ASIC2: variants seen among roughly 807,000 people sequenced by gnomAD.
ASIC2 encodes the protein acid sensing ion channel subunit 2, also known as acid-sensing ion channel 2.
In ASIC2, 25 loss-of-function variants were observed where a neutral mutation model predicts 57.3. The ratio of observed to expected loss-of-function variants is 0.44; its 90% confidence interval spans 0.32 to 0.61. The LOEUF (loss-of-function observed/expected upper bound fraction) is 0.61. Among genes scored for constraint, ASIC2 ranks in the 20% least tolerant of loss-of-function variants. The probability of loss-of-function intolerance (pLI) is 0.06; values close to 1 mark genes in which losing one functional copy is unlikely to be tolerated. For synonymous variants in ASIC2, 319 were observed against 307.5 expected (o/e 1.04, Z -0.39); for missense variants, 641 against 738.1 (o/e 0.87, Z 1.52).
intron 1 of ASIC2, among the ~76,000 whole-genome samples, chr17:33,968,851 G>A (rs934605707): frequency 6.6e-6 from 1 of 152,210 alleles, no homozygotes; most frequent in Admixed American, 6.5e-5. Flanking sequence ...CAACAACAGG[G>A]AGCTGGCCTG....
At chr17:33,859,099 T>C (rs1257608795) in intron 1 of ASIC2, among the ~76,000 whole-genome samples, 1 of 152,248 alleles carries the variant, frequency 6.6e-6, no homozygotes. Context: ...TAAGACCAAC[T>C]GTGTCCACAC....
At chr17:33,961,325 A>G (rs1904913406) in intron 1 of ASIC2, among the ~76,000 whole-genome samples, 1 of 152,218 alleles carries the variant, frequency 6.6e-6, no homozygotes, top group African/African-American at 2.4e-5. Flanking sequence ...AGCATTTTGC[A>G]GGACCCAGCA....
chr17:33,238,967 G>A (rs746679415), intron 1 of ASIC2, among the ~76,000 whole-genome samples: 1 of 151,906 alleles, frequency 6.6e-6, no homozygotes, highest in Non-Finnish European at 1.5e-5. Context: ...TTGCACCACT[G>A]TACTCCAGCC....
chr17:33,282,993 C>A (rs1208789170), intron 1 of ASIC2, among the ~76,000 whole-genome samples: 2 of 152,210 alleles, frequency 1.3e-5, no homozygotes, highest in Admixed American at 1.3e-4. Context: ...AGGTCATGGG[C>A]ATCTTTAAGG....
chr17:34,063,027 G>A (rs1308575530), intron 1 of ASIC2, among the ~76,000 whole-genome samples: 1 of 152,090 alleles, frequency 6.6e-6, no homozygotes. Flanking sequence ...TGTGAAACCA[G>A]CATCACCCTA....
chr17:34,117,827 T>C (rs953300075), intron 1 of ASIC2, among the ~76,000 whole-genome samples: 2 of 152,094 alleles, frequency 1.3e-5, no homozygotes, highest in South Asian at 2.1e-4. Context: ...TTAACCAAGA[T>C]TGAGAAAAGA....
chr17:34,053,951 T>C (rs1056675328), intron 1 of ASIC2, among the ~76,000 whole-genome samples: 1 of 152,240 alleles, frequency 6.6e-6, no homozygotes, highest in Non-Finnish European at 1.5e-5. Context: ...ACCTCCATTC[T>C]GTACAGGGTT....
chr17:33,107,558 A>C (rs535034066), intron 2 of ASIC2, among the ~76,000 whole-genome samples: 1 of 152,162 alleles, frequency 6.6e-6, no homozygotes, highest in Non-Finnish European at 1.5e-5. Context: ...ATGGCATATT[A>C]TCACGGTGCC....
intron 1 of ASIC2, among the ~76,000 whole-genome samples, chr17:33,512,203 C>G (rs918747216): frequency 6.6e-6 from 1 of 152,202 alleles, no homozygotes; most frequent in Admixed American, 6.5e-5. Flanking sequence ...AAGGGTGAAA[C>G]TCTGCAGTCA....
intron 1 of ASIC2, among the ~76,000 whole-genome samples, chr17:33,483,886 G>A (rs12940809): frequency 0.2 from 30,963 of 152,106 alleles, 3,859 homozygotes; most frequent in Non-Finnish European, 0.28. Flanking sequence ...TTGCCATGGG[G>A]AAATTAGCCT....
chr17:33,786,234 C>G (rs1911596721), intron 1 of ASIC2, among the ~76,000 whole-genome samples: 1 of 152,086 alleles, frequency 6.6e-6, no homozygotes, highest in Non-Finnish European at 1.5e-5. Context: ...AAGGTGAGCC[C>G]TGAGTTACCC....
intron 1 of ASIC2, among the ~76,000 whole-genome samples, chr17:33,418,077 T>C (rs528407397): frequency 2.7e-4 from 41 of 151,176 alleles, no homozygotes; most frequent in African/African-American, 9.2e-4. Flanking sequence ...TGTGTGTGTG[T>C]GCAGCCATGC....
intron 1 of ASIC2, among the ~76,000 whole-genome samples, chr17:33,166,566 TC>T (rs1008001621): frequency 1.3e-5 from 2 of 152,088 alleles, no homozygotes; most frequent in African/African-American, 4.8e-5. Flanking sequence ...GTTATTGAGG[TC>T]CTAGCATGCC....
At chr17:34,052,235 T>G (rs1199173737) in intron 1 of ASIC2, among the ~76,000 whole-genome samples, 1 of 152,174 alleles carries the variant, frequency 6.6e-6, no homozygotes, top group Non-Finnish European at 1.5e-5. Context: ...CTTCCAGACC[T>G]TATTGCCCCT....
chr17:33,657,136 T>A (rs530744590), intron 1 of ASIC2, among the ~76,000 whole-genome samples: 21 of 152,188 alleles, frequency 1.4e-4, no homozygotes, highest in Non-Finnish European at 2.9e-4. Context: ...TGCTCTGACA[T>A]GGCAGGCCCC....
rs1006790224 is a variant in ASIC2 at position 34,156,216 on chromosome 17, T to C, written c.317A>G (p.Asp106Gly). ...CAGCAGCTCCCCAGCATGGTACAGG[T>C]CATTGGTGGTGAGCCTGGAGAACCG... The change falls in exon 1 of 10, where the codon GAC becomes GGC. Residue 106 changes from aspartate to glycine, a missense_variant. Asp to Gly is a moderately conservative substitution (Grantham distance 94). Coordinates refer to the ASIC2 transcript ENST00000359872. The surrounding 1 kb of genome is among the most constrained non-coding windows in gnomAD (Gnocchi z 4.4). 2 of 1,613,976 alleles carry C rather than the reference T, an allele frequency of 1.2e-6. No homozygotes were observed. The highest frequency in any genetic ancestry group is 1.7e-6 in the Non-Finnish European group (2 of 1,179,986).
intron 1 of ASIC2, among the ~76,000 whole-genome samples, chr17:33,360,621 G>A (rs1241307245): frequency 6.6e-6 from 1 of 152,152 alleles, no homozygotes; most frequent in Non-Finnish European, 1.5e-5. Context: ...TGCTCTTGGG[G>A]CTTTTACTTT....
In ASIC2 at chr17:34,121,589, G is replaced by C. The variant is rs573993934; in HGVS notation, c.555+34389C>G. ...ACGCTGATGCTGGAGGGACCTTTTT[G>C]AAATATCAATCTCATCATGTCCCTC... On this transcript the variant is annotated intron_variant, in intron 1 of 9. Coordinates refer to the ASIC2 transcript ENST00000359872. Among the ~76,000 whole-genome samples the C allele has an allele frequency of 2.0e-5, 3 of 152,214 alleles. No individual in the cohort carries two copies. The South Asian group carries it at 6.2e-4, about 32-fold the overall frequency.
chr17:33,992,578 G>T (rs1906032062), intron 1 of ASIC2, among the ~76,000 whole-genome samples: 1 of 152,118 alleles, frequency 6.6e-6, no homozygotes, highest in Admixed American at 6.5e-5. Flanking sequence ...AAGTGTGTTG[G>T]AGCTAACTCA....
Sources: allele counts gnomAD v4.1 joint callset (sites outside exome capture counted in the v4.1 genomes callset), GRCh38; gene constraint gnomAD v4.1.1; non-coding constraint Gnocchi (gnomAD v3.1); transcripts MANE v1.5; gene names NCBI Gene and HGNC (gene_info 2026-07-23, HGNC 2026-07-21).